NUP93: variants seen among roughly 807,000 people sequenced by gnomAD.
NUP93 encodes nucleoporin 93, also known as nuclear pore complex protein Nup93.
Under a neutral mutation model 107.8 loss-of-function variants are expected in NUP93, and 55 were observed. That is an observed-to-expected ratio of 0.51 (90% CI 0.41 to 0.64). The LOEUF is 0.64. NUP93 is among the 30% of genes least tolerant of loss of function. The pLI, the probability that NUP93 is intolerant of heterozygous loss-of-function variation, is 0.00. For synonymous variants in NUP93, 390 were observed against 397.5 expected, an observed-to-expected ratio of 0.98 and a Z score of 0.22; for missense variants, 937 against 1,044.7, an observed-to-expected ratio of 0.90 and a Z score of 1.42.
intron 3 of NUP93, among the ~76,000 whole-genome samples, chr16:56,777,988 A>G (rs1962445827): frequency 6.6e-6 from 1 of 152,220 alleles, no homozygotes; most frequent in South Asian, 2.1e-4. Context: ...CACTATGGAG[A>G]TAATTCGAAT....
At chr16:56,785,876 A>G (rs1962615784) in intron 3 of NUP93, among the ~76,000 whole-genome samples, 3 of 152,226 alleles carry the variant, frequency 2.0e-5, no homozygotes, top group African/African-American at 7.2e-5. Context: ...TATGGTTAAA[A>G]TAGAATTTAA....
intron 16 of NUP93, 138 bp downstream of exon 16, chr16:56,834,916 T>C (rs1963880283): frequency 1.6e-6 from 1 of 643,412 alleles, no homozygotes; most frequent in Admixed American, 3.0e-5. Flanking sequence ...AAAAATGGAA[T>C]GAAAATTATG....
intron 4 of NUP93, among the ~76,000 whole-genome samples, chr16:56,798,955 C>T (rs570574701): frequency 5.9e-5 from 9 of 152,048 alleles, no homozygotes; most frequent in East Asian, 1.9e-4. Context: ...ATCCTATGCC[C>T]AGTTCTCTCC....
Position 56,816,548 on chromosome 16 carries a change from T to C in NUP93, c.490-2116T>C, listed in dbSNP as rs531903557. ...GGAGCTCTAGACATTATATTTGCATTCAAGGCAGAAAGAAGGGGAGAGAGC... is the reference window on the plus strand; with the variant it reads ...GGAGCTCTAGACATTATATTTGCATCCAAGGCAGAAAGAAGGGGAGAGAGC... On this transcript the variant is annotated intron_variant, in intron 5 of 21. Transcript: ENST00000308159. 2.0e-3 allele frequency among the ~76,000 whole-genome samples: 303 copies of C among 152,226 alleles called. 1 individual carries two copies. The highest frequency in any genetic ancestry group is 6.9e-3 in the African/African-American group (287 of 41,542).
rs1288108978 is a variant in NUP93 at position 56,761,510 on chromosome 16, C to A, written c.297+2855C>A. On this transcript the variant is annotated intron_variant, in intron 3 of 21. Transcript: ENST00000308159. ...GCTTAAATGAGATATAATTCACATA[C>A]CATAAATGTGGTGGACTTTTGTAAT... Among the ~76,000 whole-genome samples the A allele has an allele frequency of 8.6e-5, 13 of 151,504 alleles. No individual in the cohort carries two copies. In the South Asian group the frequency reaches 2.5e-3, roughly 29 times the overall value.
intron 1 of NUP93, among the ~76,000 whole-genome samples, chr16:56,738,252 C>T (rs1429483167): frequency 6.6e-6 from 1 of 152,250 alleles, no homozygotes; most frequent in Admixed American, 6.5e-5. Flanking sequence ...CTGTAGTCCA[C>T]AGCACTTTCT....
chr16:56,796,542 A>C (rs554039632), intron 3 of NUP93, among the ~76,000 whole-genome samples: 1 of 152,366 alleles, frequency 6.6e-6, no homozygotes, highest in East Asian at 1.9e-4. Flanking sequence ...TACAGTTGCT[A>C]AATTATAAAA....
At chr16:56,808,082 A>AAT (rs1471908755) in intron 5 of NUP93, among the ~76,000 whole-genome samples, 4 of 140,582 alleles carry the variant, frequency 2.8e-5, no homozygotes, top group African/African-American at 5.2e-5. Context: ...TAAATATAAA[A>AAT]ATATATAAAT....
At chr16:56,783,550 A>T (rs1018263066) in intron 3 of NUP93, 2 of 985,320 alleles carry the variant, frequency 2.0e-6, no homozygotes, top group Admixed American at 6.2e-5. Context: ...TGTATGGGAG[A>T]TGACTCAATT....
intron 13 of NUP93, 57 bp downstream of exon 13, chr16:56,833,463 C>T (rs1237871192): frequency 7.3e-6 from 10 of 1,379,228 alleles, no homozygotes; most frequent in African/African-American, 4.5e-5. Context: ...CCCCTTGGGG[C>T]GACGGTGGCC....
At chr16:56,749,795 G>A (rs897030445) in intron 2 of NUP93, among the ~76,000 whole-genome samples, 1 of 152,192 alleles carries the variant, frequency 6.6e-6, no homozygotes, top group African/African-American at 2.4e-5. Context: ...TTTTGGTTCT[G>A]TTGGCATTGG....
At chr16:56,777,506 CTTT>C (rs200782594) in intron 3 of NUP93, among the ~76,000 whole-genome samples, 1 of 151,900 alleles carries the variant, frequency 6.6e-6, no homozygotes, top group Non-Finnish European at 1.5e-5. Context: ...GAAATCTTCT[CTTT>C]TTTTTATTGA....
chr16:56,737,681 C>T (rs1961635394), intron 1 of NUP93, among the ~76,000 whole-genome samples: 1 of 150,492 alleles, frequency 6.6e-6, no homozygotes, highest in African/African-American at 2.5e-5. Context: ...CTGTGAAATT[C>T]ATCCATGTTC....
chr16:56,828,970 T>A lies in NUP93; in HGVS notation c.795-7T>A. Reference sequence around the variant, plus strand: ...CTTCCCTGTTTTTTCCTTTAAAATTTTTCCAGTTATAAGAATTACACCCTT... The same window carrying A: ...CTTCCCTGTTTTTTCCTTTAAAATTATTCCAGTTATAAGAATTACACCCTT... On this transcript the variant is annotated splice_region_variant and splice_polypyrimidine_tract_variant and intron_variant, in intron 8 of 21. Coordinates refer to ENST00000308159, the MANE Select transcript of NUP93 (RefSeq NM_014669.5). 5.0e-6 allele frequency: 8 copies of A among 1,612,720 alleles called. No individual in the cohort carries two copies. Among genetic ancestry groups the A allele is most frequent in the Non-Finnish European group, 6.8e-6 (8 of 1,179,668 alleles).
rs1436436087 is a variant in NUP93, at chr16:56,848,503, A to C, written c.*3894A>C. 6.6e-6 allele frequency: 1 copy of C among 152,234 alleles called. No individual in the cohort carries two copies. Among genetic ancestry groups the C allele is most frequent in the Non-Finnish European group, 1.5e-5 (1 of 68,046 alleles). The allele number at this position is 152,234 out of a possible 1,614,324, so 9.4% of individuals were successfully genotyped here. A position where few individuals can be genotyped will look rare whatever the true frequency, so the allele number is the denominator to read the frequency against. On this transcript the variant is annotated 3_prime_UTR_variant, in exon 22 of 22. Coordinates refer to ENST00000308159, the MANE Select transcript of NUP93 (RefSeq NM_014669.5). The stretch of plus-strand genomic sequence containing the variant: ...GAAAATATCCCCCATTCTTTATCCT[A>C]CGCTGAATCCACAAGTCTTCCCATC...
At chr16:56,733,424 AAGTAGAG>A in intron 1 of NUP93, among the ~76,000 whole-genome samples, 1 of 152,154 alleles carries the variant, frequency 6.6e-6, no homozygotes, top group East Asian at 1.9e-4. Context: ...AAGGTTTGAG[AAGTAGAG>A]CTTGAGATTG....
chr16:56,760,708 C>T (rs1045234896), intron 3 of NUP93, among the ~76,000 whole-genome samples: 1 of 152,178 alleles, frequency 6.6e-6, no homozygotes, highest in African/African-American at 2.4e-5. Context: ...CACCAGGCCC[C>T]ACCCCCAACA....
chr16:56,735,721 G>A (rs551728400), intron 1 of NUP93, among the ~76,000 whole-genome samples: 2 of 151,938 alleles, frequency 1.3e-5, no homozygotes, highest in East Asian at 1.9e-4. Context: ...CCAGTTACTC[G>A]GGAGGCTGAG....
At chr16:56,817,577 A>G (rs1272500939) in intron 5 of NUP93, among the ~76,000 whole-genome samples, 1 of 152,194 alleles carries the variant, frequency 6.6e-6, no homozygotes, top group South Asian at 2.1e-4. Context: ...GAACTTAAGA[A>G]TTTACCTAAT....
Sources: allele counts gnomAD v4.1 joint callset (sites outside exome capture counted in the v4.1 genomes callset), GRCh38; gene constraint gnomAD v4.1.1; transcripts MANE v1.5; gene names NCBI Gene and HGNC (gene_info 2026-07-23, HGNC 2026-07-21).